Variants in PALLD observed in about 807,000 individuals in gnomAD.
PALLD encodes palladin, cytoskeletal associated protein.
PALLD carries 61 observed loss-of-function variants against 123.5 expected under a neutral mutation model. The observed-to-expected ratio is 0.49, with a 90% CI of 0.40 to 0.61. PALLD has a LOEUF of 0.61. Ranked by LOEUF, PALLD falls within the 20% of genes least tolerant of loss-of-function variation. PALLD has a pLI of 0.00. For missense variants in PALLD, 1,273 were observed against 1,377.0 expected, an observed-to-expected ratio of 0.92 and a Z score of 1.20; for synonymous variants, 465 against 496.4, an observed-to-expected ratio of 0.94 and a Z score of 0.84.
At chr4:168,658,279 T>C (rs936530949) in intron 2 of PALLD, among the ~76,000 whole-genome samples, 1 of 143,996 alleles carries the variant, frequency 6.9e-6, no homozygotes, top group Non-Finnish European at 1.5e-5. Context: ...GGTGGGTTTT[T>C]ATTTGGTTTT....
In PALLD at chr4:168,928,204, C is replaced by G. The variant is rs1353993210; in HGVS notation, c.*2024C>G. 5.4e-6 allele frequency: 1 copy of G among 186,118 alleles called. No homozygotes were observed. The highest frequency in any genetic ancestry group is 1.1e-5 in the Non-Finnish European group (1 of 87,648). 11.5% of individuals were successfully genotyped at this position (186,118 alleles called of 1,614,324 possible). A position where few individuals can be genotyped will look rare whatever the true frequency, so the allele number is the denominator to read the frequency against. The stretch of plus-strand genomic sequence containing the variant: ...CATACACAGTCTCTCATGGACCTAT[C>G]TCTATTGTAGAATTATGACTTATGT... On this transcript the variant is annotated 3_prime_UTR_variant, in exon 22 of 22. Transcript: ENST00000505667.
At chr4:168,576,492 T>C (rs1384055986) in intron 2 of PALLD, among the ~76,000 whole-genome samples, 3 of 152,050 alleles carry the variant, frequency 2.0e-5, no homozygotes, top group South Asian at 4.1e-4. Context: ...GGTGTTGTGG[T>C]TTTTTGTCCT....
At chr4:168,529,030 T>C (rs1764342152) in intron 2 of PALLD, among the ~76,000 whole-genome samples, 1 of 152,104 alleles carries the variant, frequency 6.6e-6, no homozygotes, top group Admixed American at 6.5e-5. Context: ...GCACCTAACA[T>C]AAGAACTAGG....
At chr4:168,553,009 T>C (rs911649953) in intron 2 of PALLD, among the ~76,000 whole-genome samples, 59 of 152,140 alleles carry the variant, frequency 3.9e-4, no homozygotes, top group Admixed American at 2.6e-4. Flanking sequence ...ATACTTCATA[T>C]GCTGGGCAAC....
chr4:168,697,967 T>G (rs1783302412), intron 8 of PALLD, among the ~76,000 whole-genome samples: 3 of 152,202 alleles, frequency 2.0e-5, no homozygotes, highest in South Asian at 4.1e-4. Context: ...GGAAGCAACC[T>G]AAGTATCCAT....
intron 10 of PALLD, among the ~76,000 whole-genome samples, chr4:168,793,178 T>C (rs1737816257): frequency 7.8e-6 from 1 of 127,824 alleles, no homozygotes; most frequent in Admixed American, 8.5e-5. Context: ...TATGTGTGCA[T>C]ATATATACAT....
intron 2 of PALLD, among the ~76,000 whole-genome samples, chr4:168,667,054 G>A (rs1159031037): frequency 3.3e-5 from 5 of 152,130 alleles, no homozygotes; most frequent in African/African-American, 1.2e-4. Flanking sequence ...CTCTTCTTTG[G>A]TGGGAATCAC....
chr4:168,762,199 C>T (rs1733039981), intron 10 of PALLD, among the ~76,000 whole-genome samples: 1 of 151,774 alleles, frequency 6.6e-6, no homozygotes, highest in African/African-American at 2.4e-5. Context: ...CTCGGCTGGG[C>T]GCAGTGGCTC....
At chr4:168,690,504 G>T in intron 6 of PALLD, 99 bp from the exon 7 acceptor site, 1 of 1,448,518 alleles carries the variant, frequency 6.9e-7, no homozygotes, top group Non-Finnish European at 9.7e-7. Context: ...GTTTGTATCT[G>T]TTTTGTCTGA....
intron 10 of PALLD, among the ~76,000 whole-genome samples, chr4:168,775,119 C>T (rs1735001126): frequency 6.6e-6 from 1 of 152,128 alleles, no homozygotes; most frequent in South Asian, 2.1e-4. Context: ...TACTATTGGG[C>T]TTTTTTCCAA....
intron 2 of PALLD, among the ~76,000 whole-genome samples, chr4:168,528,126 G>T (rs867671565): frequency 1.2e-4 from 19 of 152,102 alleles, no homozygotes; most frequent in Non-Finnish European, 1.5e-5. Context: ...TCTCTTTCTA[G>T]CTAGGACCAC....
At chr4:168,510,154 G>T (rs12510836) in intron 1 of PALLD, among the ~76,000 whole-genome samples, 44,778 of 151,952 alleles carry the variant, frequency 0.29, 6,705 homozygotes, top group Non-Finnish European at 0.33. Context: ...TTTCTAGATC[G>T]TCCCTCTCAG....
chr4:168,809,574 G>T (rs1332811403), intron 10 of PALLD, among the ~76,000 whole-genome samples: 1 of 152,152 alleles, frequency 6.6e-6, no homozygotes, highest in Non-Finnish European at 1.5e-5. Flanking sequence ...TCAAGAACCA[G>T]ACGTGGGGCT....
chr4:168,670,775 C>CAAAAAAAAAAAAAAAAAA (rs112589264), intron 3 of PALLD, among the ~76,000 whole-genome samples: 2 of 100,210 alleles, frequency 2.0e-5, no homozygotes, highest in Non-Finnish European at 4.0e-5. Flanking sequence ...CAAAAAAAAA[C>CAAAAAAAAAAAAAAAAAA]AAAAAAAAAA....
chr4:168,685,677 C>A, intron 6 of PALLD, 118 bp downstream of exon 6: 2 of 777,642 alleles, frequency 2.6e-6, no homozygotes, highest in African/African-American at 1.7e-5. Flanking sequence ...GGCTGATTAC[C>A]ATGGTTACCT....
chr4:168,810,814 C>CA (rs756218492), intron 10 of PALLD, among the ~76,000 whole-genome samples: 13,129 of 62,412 alleles, frequency 0.21, 818 homozygotes, highest in South Asian at 0.3. Flanking sequence ...GACTCCGTCT[C>CA]AAAAAAAAAA....
intron 2 of PALLD, among the ~76,000 whole-genome samples, chr4:168,514,377 C>A (rs913405767): frequency 1.3e-5 from 2 of 152,060 alleles, no homozygotes; most frequent in African/African-American, 4.8e-5. Flanking sequence ...TACAGGTGGG[C>A]GATTTTTTTC....
intron 10 of PALLD, among the ~76,000 whole-genome samples, chr4:168,760,324 GC>G (rs1238269798): frequency 1.5e-5 from 2 of 133,194 alleles, no homozygotes; most frequent in African/African-American, 5.6e-5. Flanking sequence ...GGCAGTGGGT[GC>G]GGGGAGGCCT....
chr4:168,638,770 T>A (rs1580707331), intron 2 of PALLD, among the ~76,000 whole-genome samples: 1 of 148,496 alleles, frequency 6.7e-6, no homozygotes, highest in Non-Finnish European at 1.5e-5. Context: ...TCTACCCTCA[T>A]AACCTAATCA....
Sources: gnomAD v4.1 joint callset for allele counts (sites outside exome capture counted in the v4.1 genomes callset) on GRCh38, gnomAD v4.1.1 for gene constraint, MANE v1.5 for transcripts, NCBI Gene and HGNC (gene_info 2026-07-23, HGNC 2026-07-21) for gene names.